CHRM5: variants seen among roughly 807,000 people sequenced by gnomAD.
CHRM5 encodes muscarinic acetylcholine receptor M5.
In CHRM5, 18 loss-of-function variants were observed where a neutral mutation model predicts 39.0. The observed-to-expected ratio is 0.46, with a 90% CI of 0.32 to 0.68. The LOEUF is 0.68. CHRM5 is among the 30% of genes least tolerant of loss of function. The pLI is 0.04. For missense variants in CHRM5, 515 were observed against 651.1 expected (o/e 0.79, Z 2.28); for synonymous variants, 241 against 246.3 (o/e 0.98, Z 0.20).
At chr15:33,984,493 C>T (rs941000671) in intron 1 of CHRM5, among the ~76,000 whole-genome samples, 1 of 151,916 alleles carries the variant, frequency 6.6e-6, no homozygotes, top group Non-Finnish European at 1.5e-5. Context: ...ACCTCCACCT[C>T]CCTGGTTCAA....
chr15:33,976,908 G>C (rs1196169429), intron 1 of CHRM5, among the ~76,000 whole-genome samples: 2 of 152,070 alleles, frequency 1.3e-5, no homozygotes, highest in African/African-American at 2.4e-5. Context: ...GCCTCCTGTG[G>C]TATAGTGACA....
chr15:34,034,432 C>A (rs1335047476), intron 1 of CHRM5, among the ~76,000 whole-genome samples: 3 of 131,026 alleles, frequency 2.3e-5, no homozygotes, highest in Non-Finnish European at 4.9e-5. Context: ...CAAAGTGAGA[C>A]CCAGTTTCTT....
chr15:34,034,718 A>G (rs1302168972), intron 1 of CHRM5, among the ~76,000 whole-genome samples: 1 of 152,324 alleles, frequency 6.6e-6, no homozygotes, highest in South Asian at 2.1e-4. Flanking sequence ...TAAAAACAGA[A>G]TATGTTAACA....
At chr15:33,986,882 C>A (rs1432250533) in intron 1 of CHRM5, among the ~76,000 whole-genome samples, 1 of 152,160 alleles carries the variant, frequency 6.6e-6, no homozygotes, top group East Asian at 1.9e-4. Flanking sequence ...TGGTCTCGAT[C>A]TCCTGACCTC....
intron 1 of CHRM5, among the ~76,000 whole-genome samples, chr15:34,002,162 A>C (rs1436439552): frequency 6.6e-6 from 1 of 152,174 alleles, no homozygotes; most frequent in Non-Finnish European, 1.5e-5. Flanking sequence ...AATCTTATTC[A>C]AATTTATTCA....
At chr15:33,983,396 G>C (rs1002381533) in intron 1 of CHRM5, among the ~76,000 whole-genome samples, 1 of 151,612 alleles carries the variant, frequency 6.6e-6, no homozygotes, top group Non-Finnish European at 1.5e-5. Flanking sequence ...TAACATAAAC[G>C]CTTCCATTCT....
chr15:33,997,447 C>G (rs1896979866), intron 1 of CHRM5, among the ~76,000 whole-genome samples: 1 of 152,118 alleles, frequency 6.6e-6, no homozygotes, highest in African/African-American at 2.4e-5. Context: ...ACTAAAAACT[C>G]CAAAGACGAG....
At chr15:33,978,285 A>C (rs1895976881) in intron 1 of CHRM5, among the ~76,000 whole-genome samples, 1 of 152,168 alleles carries the variant, frequency 6.6e-6, no homozygotes, top group African/African-American at 2.4e-5. Flanking sequence ...CAGCAAACCC[A>C]CTGTAGACAC....
At chr15:33,977,170 G>T (rs201004735) in intron 1 of CHRM5, among the ~76,000 whole-genome samples, 2 of 152,168 alleles carry the variant, frequency 1.3e-5, no homozygotes, top group East Asian at 1.9e-4. Context: ...GCAACAAAAT[G>T]AACAAAAAAC....
intron 2 of CHRM5, among the ~76,000 whole-genome samples, chr15:34,050,532 C>A (rs1899895134): frequency 6.6e-6 from 1 of 152,070 alleles, no homozygotes; most frequent in African/African-American, 2.4e-5. Context: ...AGGCTAAATG[C>A]CCCAATTAAA....
At chr15:34,039,240 G>A (rs1899350692) in intron 1 of CHRM5, 1 of 290,388 alleles carries the variant, frequency 3.4e-6, no homozygotes, top group African/African-American at 2.3e-5. Flanking sequence ...GCGTCCCGCA[G>A]GTGGGGCCGG....
Position 34,064,104 on chromosome 15 carries a change from C to G in CHRM5, c.1387C>G (p.Leu463Val). 1 of 1,614,206 alleles carries G rather than the reference C, an allele frequency of 6.2e-7. No homozygotes were observed. The change falls in exon 3 of 3, where the codon CTG becomes GTG. Residue 463 changes from leucine (L) to valine (V), a missense_variant. Transcript: ENST00000383263. ...ATGGACCCCGTATAACATCATGGTC[C>G]TGGTTTCTACCTTCTGTGACAAGTG... ...ITWTPYNIMV[L>V]VSTFCDKCVP...
intron 1 of CHRM5, among the ~76,000 whole-genome samples, chr15:34,044,435 T>C (rs1411297259): frequency 6.6e-6 from 1 of 152,220 alleles, no homozygotes; most frequent in Non-Finnish European, 1.5e-5. Context: ...ACACTACCCT[T>C]AGGAATTTAA....
At position 33,996,036 on chromosome 15, in the gene CHRM5, A is replaced by T. The variant is rs1046620122; in HGVS notation, c.-408+26886A>T. Among the ~76,000 whole-genome samples the T allele has an allele frequency of 3.3e-5, 5 of 152,348 alleles. No individual in the cohort carries two copies. The East Asian group carries it at 9.7e-4, about 29-fold the overall frequency. ...GGCACACCAGGAGTATATCCCACACATGGCTAGGTGGGTCCCACACCCACA... is the reference window on the plus strand; with the variant it reads ...GGCACACCAGGAGTATATCCCACACTTGGCTAGGTGGGTCCCACACCCACA... On this transcript the variant is annotated intron_variant, in intron 1 of 2. Coordinates refer to ENST00000383263, the MANE Select transcript of CHRM5 (RefSeq NM_012125.4).
At chr15:33,984,537 A>G (rs6495424) in intron 1 of CHRM5, among the ~76,000 whole-genome samples, 65,729 of 151,600 alleles carry the variant, frequency 0.43, 14,965 homozygotes, top group African/African-American at 0.56. Context: ...CGCGTAGCTC[A>G]GATTACAGGC....
chr15:34,060,888 C>T (rs925708750), intron 2 of CHRM5, among the ~76,000 whole-genome samples: 4 of 151,190 alleles, frequency 2.6e-5, no homozygotes, highest in African/African-American at 4.9e-5. Flanking sequence ...TGGTGGCAGG[C>T]GCCTGTAGTC....
intron 1 of CHRM5, among the ~76,000 whole-genome samples, chr15:34,036,718 C>A (rs1597377084): frequency 6.6e-6 from 1 of 152,308 alleles, no homozygotes; most frequent in East Asian, 1.9e-4. Flanking sequence ...ATAAGACCAA[C>A]TCGACAAAAG....
At chr15:34,021,646 G>A (rs552664156) in intron 1 of CHRM5, among the ~76,000 whole-genome samples, 1 of 152,178 alleles carries the variant, frequency 6.6e-6, no homozygotes, top group Non-Finnish European at 1.5e-5. Flanking sequence ...TTTGAGGTCA[G>A]GAGTTTGAGA....
chr15:34,022,675 A>T (rs1470319318), intron 1 of CHRM5, among the ~76,000 whole-genome samples: 1 of 152,242 alleles, frequency 6.6e-6, no homozygotes, highest in East Asian at 1.9e-4. Flanking sequence ...TTGCATAAGT[A>T]TGAGATTATC....
Sources: gnomAD v4.1 joint callset for allele counts (sites outside exome capture counted in the v4.1 genomes callset) on GRCh38, gnomAD v4.1.1 for gene constraint, MANE v1.5 for transcripts, NCBI Gene and HGNC (gene_info 2026-07-23, HGNC 2026-07-21) for gene names.